The following ADGRA3 variants were observed in gnomAD, a reference collection of about 807,000 sequenced individuals.
ADGRA3 encodes G-protein coupled receptor 125.
In ADGRA3, 56 loss-of-function variants were observed where a neutral mutation model predicts 119.8. The ratio of observed to expected loss-of-function variants is 0.47; its 90% CI spans 0.38 to 0.58. The LOEUF (loss-of-function observed/expected upper bound fraction) is 0.58, where lower values mean the gene tolerates loss of function less well. Ranked by LOEUF, ADGRA3 falls within the 20% of genes least tolerant of loss-of-function variation. ADGRA3 has a pLI of 0.00. For missense variants in ADGRA3, 1,516 were observed against 1,649.0 expected (o/e 0.92, Z 1.40); for synonymous variants, 607 against 623.8 (o/e 0.97, Z 0.40).
chr4:22,509,793 G>A (rs555628367), intron 1 of ADGRA3, among the ~76,000 whole-genome samples: 4 of 151,936 alleles, frequency 2.6e-5, no homozygotes, highest in South Asian at 2.1e-4. Context: ...GGCGGATCAC[G>A]AGGTCAGGAG....
In ADGRA3 at chr4:22,501,417, G is replaced by A. The variant is rs533982985; in HGVS notation, c.257+14111C>T. 2.0e-5 allele frequency among the ~76,000 whole-genome samples: 3 copies of A among 152,242 alleles called. No homozygotes were observed. The South Asian group carries it at 6.2e-4, about 32-fold the overall frequency. ...CAACAAAAAAATAAAGGCATCACTAGAAAATAAACTCTGGGTCAGAATAAA... is the reference window on the plus strand; with the variant it reads ...CAACAAAAAAATAAAGGCATCACTAAAAAATAAACTCTGGGTCAGAATAAA... On this transcript the variant is annotated intron_variant, in intron 1 of 18. Coordinates refer to ENST00000334304, the MANE Select transcript of ADGRA3 (RefSeq NM_145290.4).
intron 1 of ADGRA3, among the ~76,000 whole-genome samples, chr4:22,513,235 TC>T (rs1246194705): frequency 1.3e-5 from 2 of 150,828 alleles, no homozygotes; most frequent in African/African-American, 4.9e-5. Context: ...AAACTCCTTC[TC>T]CTTGGGTTCA....
At chr4:22,494,074 G>A (rs930258643) in intron 1 of ADGRA3, among the ~76,000 whole-genome samples, 2 of 151,248 alleles carry the variant, frequency 1.3e-5, no homozygotes, top group Admixed American at 1.3e-4. Flanking sequence ...GCGTGGAGGC[G>A]GGTGCCTGTA....
intron 7 of ADGRA3, among the ~76,000 whole-genome samples, chr4:22,441,225 A>G (rs529567491): frequency 1.3e-5 from 2 of 152,198 alleles, no homozygotes; most frequent in Non-Finnish European, 2.9e-5. Flanking sequence ...ACTTCTATGT[A>G]TAAAATGCAC....
intron 10 of ADGRA3, among the ~76,000 whole-genome samples, chr4:22,430,141 A>C (rs1182353115): frequency 6.6e-6 from 1 of 152,152 alleles, no homozygotes; most frequent in East Asian, 1.9e-4. Context: ...AGCCATGTGG[A>C]ACTTTAAGTC....
chr4:22,498,106 T>G (rs1040847484), intron 1 of ADGRA3, among the ~76,000 whole-genome samples: 3 of 151,558 alleles, frequency 2.0e-5, no homozygotes, highest in African/African-American at 7.3e-5. Context: ...CCGGGCGTGC[T>G]GGCAGGAGCC....
chr4:22,429,465 T>G (rs539016284), intron 10 of ADGRA3, among the ~76,000 whole-genome samples: 14 of 152,328 alleles, frequency 9.2e-5, no homozygotes, highest in African/African-American at 3.1e-4. Flanking sequence ...AGGTATGTTT[T>G]GACTTCCACA....
At chr4:22,422,257 T>G (rs1475813019) in intron 11 of ADGRA3, among the ~76,000 whole-genome samples, 1 of 152,174 alleles carries the variant, frequency 6.6e-6, no homozygotes, top group Non-Finnish European at 1.5e-5. Context: ...GTCTTTTTCT[T>G]TAAAGTATGA....
chr4:22,475,862 A>G (rs1466667417), intron 1 of ADGRA3, among the ~76,000 whole-genome samples: 3 of 152,188 alleles, frequency 2.0e-5, no homozygotes, highest in Non-Finnish European at 1.5e-5. Context: ...CCAAAATATC[A>G]GAAATCACCA....
intron 11 of ADGRA3, among the ~76,000 whole-genome samples, chr4:22,423,933 A>T (rs565095095): frequency 6.6e-6 from 1 of 152,266 alleles, no homozygotes; most frequent in South Asian, 2.1e-4. Flanking sequence ...ATTACTCAAA[A>T]GCAAAATTAA....
chr4:22,470,705 G>A (rs1717828552), intron 2 of ADGRA3, among the ~76,000 whole-genome samples: 2 of 152,222 alleles, frequency 1.3e-5, no homozygotes, highest in Admixed American at 1.3e-4. Context: ...TTGGCCAGTT[G>A]TGTCTCTTAG....
intron 12 of ADGRA3, among the ~76,000 whole-genome samples, chr4:22,416,976 G>A (rs914460743): frequency 1.1e-4 from 16 of 152,088 alleles, no homozygotes; most frequent in African/African-American, 3.9e-4. Context: ...ATCTTTATGG[G>A]TTAAAATCTA....
At chr4:22,467,549 T>TAAA (rs1173823170) in intron 2 of ADGRA3, among the ~76,000 whole-genome samples, 2 of 152,228 alleles carry the variant, frequency 1.3e-5, no homozygotes, top group Non-Finnish European at 2.9e-5. Flanking sequence ...GTTAGTTAGC[T>TAAA]AAAGCAGTAC....
intron 10 of ADGRA3, among the ~76,000 whole-genome samples, chr4:22,434,009 C>A (rs1716291962): frequency 6.6e-6 from 1 of 152,046 alleles, no homozygotes; most frequent in East Asian, 1.9e-4. Flanking sequence ...CGTTTATATA[C>A]ATGTATCTAT....
rs144017213 is a variant in ADGRA3, at chr4:22,431,504, G to A, written c.1443+3807C>T. 1.5e-4 allele frequency among the ~76,000 whole-genome samples: 23 copies of A among 152,302 alleles called. No homozygotes were observed. In the East Asian group the frequency reaches 3.5e-3, roughly 23 times the overall value. On this transcript the variant is annotated intron_variant, in intron 10 of 18. Transcript: ENST00000334304. ...CATTTTGGAGCTTTAAGATTTGACT[G>A]CTCCGCTGTTGTGTGAATAAGTCTC...
At chr4:22,402,904 C>G in intron 14 of ADGRA3, 105 bp from the exon 15 acceptor site, 1 of 1,047,970 alleles carries the variant, frequency 9.5e-7, no homozygotes, top group South Asian at 1.7e-5. Context: ...AAACTCTGGC[C>G]CTTATGTCTC....
In ADGRA3 at chr4:22,449,238, C is replaced by T. The variant is rs116545563; in HGVS notation, c.474-1727G>A. On this transcript the variant is annotated intron_variant, in intron 4 of 18. Coordinates refer to ENST00000334304, the MANE Select transcript of ADGRA3 (RefSeq NM_145290.4). ...TGAGCCAGGACTGCAGCACTGCACT[C>T]CAACCTGAGCAACAGAGTGAGACCC... Among the ~76,000 whole-genome samples the T allele has an allele frequency of 7.0e-3, 1,066 of 151,602 alleles. 15 individuals are homozygous for T. Among genetic ancestry groups the T allele is most frequent in the African/African-American group, 0.024 (1,009 of 41,288 alleles).
intron 14 of ADGRA3, among the ~76,000 whole-genome samples, chr4:22,409,502 G>A (rs1162856175): frequency 6.6e-6 from 1 of 152,188 alleles, no homozygotes; most frequent in Non-Finnish European, 1.5e-5. Flanking sequence ...AGCTTTGTGA[G>A]CATGGCATTT....
At chr4:22,389,395 C>T (rs1265788164) in intron 17 of ADGRA3, among the ~76,000 whole-genome samples, 1 of 151,796 alleles carries the variant, frequency 6.6e-6, no homozygotes, top group East Asian at 1.9e-4. Flanking sequence ...AGCACAAGGT[C>T]TAGTAAGTTT....
Sources: gnomAD v4.1 joint callset for allele counts (sites outside exome capture counted in the v4.1 genomes callset) on GRCh38, gnomAD v4.1.1 for gene constraint, MANE v1.5 for transcripts, NCBI Gene and HGNC (gene_info 2026-07-23, HGNC 2026-07-21) for gene names.